The following ABCD3 variants were observed in gnomAD, a reference collection of about 807,000 sequenced individuals.
The protein encoded by ABCD3 is ATP binding cassette subfamily D member 3.
ABCD3 carries 41 observed loss-of-function variants against 105.5 expected under a neutral mutation model. The ratio of observed to expected loss-of-function variants is 0.39; its 90% CI spans 0.30 to 0.50. ABCD3 has a LOEUF of 0.50. ABCD3 is among the 20% of genes least tolerant of loss of function. The probability of loss-of-function intolerance (pLI) is 0.84; values close to 1 mark genes in which losing one functional copy is unlikely to be tolerated. For missense variants in ABCD3, 622 were observed against 806.3 expected, an observed-to-expected ratio of 0.77 and a Z score of 2.77; for synonymous variants, 258 against 269.0, an observed-to-expected ratio of 0.96 and a Z score of 0.40.
chr1:94,472,999 T>A (rs1476753755), intron 4 of ABCD3, among the ~76,000 whole-genome samples: 2 of 152,198 alleles, frequency 1.3e-5, no homozygotes, highest in African/African-American at 2.4e-5. Flanking sequence ...TTTTTAAAAA[T>A]TTTTAATGTA....
intron 8 of ABCD3, chr1:94,478,536 A>T: frequency 6.3e-7 from 1 of 1,597,708 alleles, no homozygotes; most frequent in Non-Finnish European, 8.5e-7. Flanking sequence ...ACTTGGAAAA[A>T]TTTTGTGGCA....
At chr1:94,500,771 T>C (rs965289762) in intron 20 of ABCD3, among the ~76,000 whole-genome samples, 2 of 152,164 alleles carry the variant, frequency 1.3e-5, no homozygotes, top group Non-Finnish European at 2.9e-5. Flanking sequence ...ATTAACCTAA[T>C]AGTGTGACTT....
At chr1:94,436,967 A>T (rs530045682) in intron 1 of ABCD3, among the ~76,000 whole-genome samples, 2 of 152,236 alleles carry the variant, frequency 1.3e-5, no homozygotes, top group Admixed American at 1.3e-4. Flanking sequence ...CCCTTAAGCT[A>T]AAACCTAATC....
intron 20 of ABCD3, among the ~76,000 whole-genome samples, chr1:94,503,955 G>A (rs1391705968): frequency 2.4e-5 from 3 of 127,520 alleles, no homozygotes; most frequent in South Asian, 5.0e-4. Flanking sequence ...CTCTGTTGCC[G>A]AAGCTGGAGT....
At chr1:94,448,690 AG>A (rs1660453699) in intron 1 of ABCD3, among the ~76,000 whole-genome samples, 1 of 152,222 alleles carries the variant, frequency 6.6e-6, no homozygotes, top group Non-Finnish European at 1.5e-5. Context: ...CACCTTTTGC[AG>A]TGTTTTGCGG....
chr1:94,441,668 A>G (rs1660138758), intron 1 of ABCD3, among the ~76,000 whole-genome samples: 1 of 152,186 alleles, frequency 6.6e-6, no homozygotes, highest in Non-Finnish European at 1.5e-5. Context: ...TGTGAAGAAA[A>G]ATGAAGGTGC....
At chr1:94,437,890 G>T (rs1331401287) in intron 1 of ABCD3, among the ~76,000 whole-genome samples, 1 of 152,138 alleles carries the variant, frequency 6.6e-6, no homozygotes, top group Non-Finnish European at 1.5e-5. Context: ...TGACTTTGAG[G>T]GGTTCAGGAT....
intron 1 of ABCD3, among the ~76,000 whole-genome samples, chr1:94,423,301 C>T (rs1659334104): frequency 6.6e-6 from 1 of 152,190 alleles, no homozygotes. Context: ...ATTGTTTTAT[C>T]TATTCATTGC....
chr1:94,472,304 C>A, intron 4 of ABCD3: 1 of 791,608 alleles, frequency 1.3e-6, no homozygotes, highest in Non-Finnish European at 1.5e-6. Context: ...AGCACTAAAG[C>A]ACTTTGGTTT....
At chr1:94,489,133 G>T (rs189142300) in intron 13 of ABCD3, among the ~76,000 whole-genome samples, 2 of 152,044 alleles carry the variant, frequency 1.3e-5, no homozygotes, top group East Asian at 1.9e-4. Flanking sequence ...GGCGATCATG[G>T]TCATTTTTGT....
Position 94,489,515 on chromosome 1 carries a change from A to G in ABCD3, c.1158-210A>G, listed in dbSNP as rs4148044. Among the ~76,000 whole-genome samples the G allele has an allele frequency of 1.6e-4, 25 of 152,164 alleles. No homozygotes were observed. In the East Asian group the frequency reaches 4.4e-3, roughly 27 times the overall value. On this transcript the variant is annotated intron_variant, in intron 13 of 22. Transcript: ENST00000370214. Reference sequence around the variant, plus strand: ...AAGTATCTGTTGAGTTGGGGATCCTATGGAAACCTCTTCCTTCATCCCTAT... The same window carrying G: ...AAGTATCTGTTGAGTTGGGGATCCTGTGGAAACCTCTTCCTTCATCCCTAT...
At chr1:94,394,224 A>G in the ABCD3 span, among the ~76,000 whole-genome samples, 1 of 152,208 alleles carries the variant, frequency 6.6e-6, no homozygotes. Flanking sequence ...ACCAGGCACA[A>G]TTAGCATAAT....
chr1:94,399,717 AAAAAC>A, the ABCD3 span, among the ~76,000 whole-genome samples: 2 of 152,206 alleles, frequency 1.3e-5, no homozygotes, highest in Non-Finnish European at 2.9e-5. Context: ...TAACAATCAA[AAAAAC>A]AAAACAAAAC....
rs974839820 is a variant in ABCD3, at chr1:94,475,689, A to C, written c.579A>C (p.Val193=). The C allele has an allele frequency of 1.2e-6, 2 of 1,610,440 alleles. No individual in the cohort carries two copies. The highest frequency in any genetic ancestry group is 1.7e-6 in the Non-Finnish European group (2 of 1,177,060). The change falls in exon 7 of 23, where the codon GTA becomes GTC. Residue 193 remains valine (V), a synonymous_variant. Coordinates refer to ENST00000370214, the MANE Select transcript of ABCD3 (RefSeq NM_002858.4). ...CAGACCAGCTGCTTACACAAGATGT[A>C]GAAAAATTTTGTAACAGTGTAGTCG... ...ANPDQLLTQD[V]EKFCNSVVDL...
intron 1 of ABCD3, among the ~76,000 whole-genome samples, chr1:94,449,040 G>T (rs892922435): frequency 6.6e-6 from 1 of 152,214 alleles, no homozygotes; most frequent in Non-Finnish European, 1.5e-5. Context: ...AACTGGTTTG[G>T]TGGAGAGATC....
At chr1:94,510,850 C>G (rs531338989) in intron 21 of ABCD3, among the ~76,000 whole-genome samples, 3 of 152,078 alleles carry the variant, frequency 2.0e-5, no homozygotes, top group African/African-American at 7.2e-5. Context: ...CTTGGTAGAT[C>G]TTCCTCCATC....
At chr1:94,393,547 G>A in the ABCD3 span, among the ~76,000 whole-genome samples, 1 of 152,072 alleles carries the variant, frequency 6.6e-6, no homozygotes, top group Non-Finnish European at 1.5e-5. Context: ...GCTGAGGCAG[G>A]AGAATCGCTT....
At chr1:94,398,886 C>T in the ABCD3 span, among the ~76,000 whole-genome samples, 1 of 152,104 alleles carries the variant, frequency 6.6e-6, no homozygotes, top group African/African-American at 2.4e-5. Context: ...TGCACTCCAG[C>T]CCGGCGACAG....
chr1:94,456,071 CT>C (rs1320599705), intron 1 of ABCD3, among the ~76,000 whole-genome samples: 2 of 151,902 alleles, frequency 1.3e-5, no homozygotes, highest in Admixed American at 1.3e-4. Context: ...TTTTGACCAA[CT>C]TTTCCCCATT....
Sources: gnomAD v4.1 joint callset for allele counts (sites outside exome capture counted in the v4.1 genomes callset) on GRCh38, gnomAD v4.1.1 for gene constraint, MANE v1.5 for transcripts, NCBI Gene and HGNC (gene_info 2026-07-23, HGNC 2026-07-21) for gene names.